The following RELN variants were observed in gnomAD, a reference collection of about 807,000 sequenced individuals.
The protein encoded by RELN is reelin.
In RELN, 108 loss-of-function variants were observed where a neutral mutation model predicts 427.6. The observed-to-expected ratio is 0.25, with a 90% CI of 0.22 to 0.30. The LOEUF (loss-of-function observed/expected upper bound fraction) is 0.30, where lower values mean the gene tolerates loss of function less well. Ranked by LOEUF, RELN falls within the 10% of genes least tolerant of loss-of-function variation. RELN has a pLI of 1.00. For missense variants in RELN, 3,715 were observed against 4,302.8 expected, an observed-to-expected ratio of 0.86 and a Z score of 3.82; for synonymous variants, 1,524 against 1,513.4, an observed-to-expected ratio of 1.01 and a Z score of -0.16.
chr7:103,571,549 T>A (rs190676849), intron 31 of RELN, among the ~76,000 whole-genome samples: 1 of 152,316 alleles, frequency 6.6e-6, no homozygotes, highest in East Asian at 1.9e-4. Flanking sequence ...TCCACTTATT[T>A]AGTGCATGAT....
At chr7:103,927,677 T>C (rs939985845) in intron 1 of RELN, among the ~76,000 whole-genome samples, 1 of 152,194 alleles carries the variant, frequency 6.6e-6, no homozygotes, top group Non-Finnish European at 1.5e-5. Flanking sequence ...TTTTACAGCA[T>C]GGCACTTAGT....
intron 2 of RELN, among the ~76,000 whole-genome samples, chr7:103,857,321 A>G (rs1404429): frequency 1.2e-4 from 19 of 152,008 alleles, no homozygotes; most frequent in Non-Finnish European, 2.4e-4. Flanking sequence ...AGAGCACCAT[A>G]GCAGTATTGT....
intron 10 of RELN, among the ~76,000 whole-genome samples, chr7:103,683,955 A>G (rs1833707961): frequency 6.6e-6 from 1 of 152,160 alleles, no homozygotes. Context: ...TGCTAAGGAG[A>G]TCAAGATATG....
At chr7:103,498,462 T>C (rs1234468119) in intron 53 of RELN, among the ~76,000 whole-genome samples, 3 of 151,612 alleles carry the variant, frequency 2.0e-5, no homozygotes, top group African/African-American at 4.9e-5. Flanking sequence ...TGTTTAATAA[T>C]TGAAATTTAA....
intron 1 of RELN, among the ~76,000 whole-genome samples, chr7:103,925,542 C>A (rs1795713607): frequency 6.6e-6 from 1 of 152,078 alleles, no homozygotes; most frequent in Non-Finnish European, 1.5e-5. Context: ...ATGAAAATTT[C>A]ATATTGTTGG....
At chr7:103,819,398 A>G (rs984723827) in intron 3 of RELN, among the ~76,000 whole-genome samples, 1 of 152,146 alleles carries the variant, frequency 6.6e-6, no homozygotes, top group African/African-American at 2.4e-5. Flanking sequence ...AGAAAGATAC[A>G]ATGTCTGAAA....
chr7:103,970,753 C>T (rs146634368), intron 1 of RELN, among the ~76,000 whole-genome samples: 1 of 152,218 alleles, frequency 6.6e-6, no homozygotes, highest in Non-Finnish European at 1.5e-5. Context: ...TGACAGGAAC[C>T]TAACTCTACA....
intron 11 of RELN, among the ~76,000 whole-genome samples, chr7:103,664,474 G>C (rs1229108996): frequency 6.6e-6 from 1 of 152,098 alleles, no homozygotes; most frequent in African/African-American, 2.4e-5. Context: ...CTGTGTTCTG[G>C]GGTTATCACG....
chr7:103,641,435 T>C (rs1048551710), intron 16 of RELN, among the ~76,000 whole-genome samples: 4 of 152,208 alleles, frequency 2.6e-5, no homozygotes, highest in Admixed American at 2.6e-4. Context: ...GGTGGAGTAA[T>C]TCAAATTCAA....
chr7:103,885,362 A>C (rs1794701911), intron 2 of RELN, among the ~76,000 whole-genome samples: 1 of 151,788 alleles, frequency 6.6e-6, no homozygotes, highest in South Asian at 2.1e-4. Flanking sequence ...TATAGACTGG[A>C]TAAAGAAAAT....
chr7:103,914,733 C>G (rs1025440798), intron 2 of RELN, among the ~76,000 whole-genome samples: 1 of 152,114 alleles, frequency 6.6e-6, no homozygotes, highest in African/African-American at 2.4e-5. Flanking sequence ...GAGATGAATA[C>G]TGCATCTACA....
rs114007633 is a variant in RELN at position 103,943,338 on chromosome 7, C to T, written c.227-26153G>A. On this transcript the variant is annotated intron_variant, in intron 1 of 64. Transcript: ENST00000428762. ...GGAAACACATTTACATCCTGACCACCGGCCTGTTAGAATAATCATGTAAAG... is the reference window on the plus strand; with the variant it reads ...GGAAACACATTTACATCCTGACCACTGGCCTGTTAGAATAATCATGTAAAG... Among the ~76,000 whole-genome samples, 341 of 152,168 alleles carry T rather than the reference C, an allele frequency of 2.2e-3. 2 individuals are homozygous for T. Among genetic ancestry groups the T allele is most frequent in the African/African-American group, 7.7e-3 (321 of 41,494 alleles).
chr7:103,860,707 G>T (rs535777224), intron 2 of RELN, among the ~76,000 whole-genome samples: 3 of 152,022 alleles, frequency 2.0e-5, no homozygotes, highest in East Asian at 1.9e-4. Context: ...CACCGCACCC[G>T]GCCCCAATTA....
intron 4 of RELN, among the ~76,000 whole-genome samples, chr7:103,762,937 T>G (rs1055666085): frequency 3.3e-5 from 5 of 152,182 alleles, no homozygotes; most frequent in Admixed American, 3.3e-4. Context: ...TTTTGAGATA[T>G]GTATGCAAGA....
At chr7:103,854,960 C>T (rs1420869478) in intron 2 of RELN, among the ~76,000 whole-genome samples, 1 of 152,016 alleles carries the variant, frequency 6.6e-6, no homozygotes, top group Admixed American at 6.6e-5. Flanking sequence ...TTTTGTGAGA[C>T]CAAAGAGATG....
chr7:103,973,210 T>C (rs1036254758), intron 1 of RELN, among the ~76,000 whole-genome samples: 2 of 152,172 alleles, frequency 1.3e-5, no homozygotes, highest in African/African-American at 4.8e-5. Context: ...TTTCTAACAG[T>C]GGCTGGAACA....
intron 2 of RELN, among the ~76,000 whole-genome samples, chr7:103,843,570 C>T (rs1008343223): frequency 2.6e-5 from 4 of 152,204 alleles, no homozygotes; most frequent in African/African-American, 9.6e-5. Flanking sequence ...TGAGAATAAA[C>T]AGGAAGAGAG....
intron 36 of RELN, among the ~76,000 whole-genome samples, chr7:103,558,856 G>A (rs552462976): frequency 2.6e-5 from 4 of 152,254 alleles, no homozygotes; most frequent in African/African-American, 9.6e-5. Flanking sequence ...ACGGATGCAC[G>A]GCTGTGTGAT....
intron 28 of RELN, among the ~76,000 whole-genome samples, chr7:103,578,535 A>C (rs1831054543): frequency 6.6e-6 from 1 of 152,082 alleles, no homozygotes. Flanking sequence ...ACTGGCCATG[A>C]CCTCAGCACG....
Sources: gnomAD v4.1 joint callset for allele counts (sites outside exome capture counted in the v4.1 genomes callset) on GRCh38, gnomAD v4.1.1 for gene constraint, MANE v1.5 for transcripts, NCBI Gene and HGNC (gene_info 2026-07-23, HGNC 2026-07-21) for gene names.